Variants in DNAH3 observed in about 807,000 individuals in gnomAD.
The protein encoded by DNAH3 is dynein axonemal heavy chain 3.
DNAH3 carries 332 observed loss-of-function variants against 432.5 expected under a neutral mutation model. That is an observed-to-expected ratio of 0.77 (90% CI 0.70 to 0.84). DNAH3 has a LOEUF of 0.84. DNAH3 is among the 40% of genes least tolerant of loss of function. DNAH3 has a pLI of 0.00. For missense variants in DNAH3, 4,861 were observed against 5,114.0 expected, an observed-to-expected ratio of 0.95 and a Z score of 1.51; for synonymous variants, 1,956 against 1,900.2, an observed-to-expected ratio of 1.03 and a Z score of -0.76.
At chr16:21,023,992 C>T (rs554430069) in intron 39 of DNAH3, among the ~76,000 whole-genome samples, 48 of 152,216 alleles carry the variant, frequency 3.2e-4, no homozygotes, top group African/African-American at 1.1e-3. Context: ...ATTCTATTAA[C>T]ACAGGGGAGG....
exon 10 of DNAH3, chr16:21,122,012 T>C: frequency 6.2e-7 from 1 of 1,613,920 alleles, no homozygotes; most frequent in South Asian, 1.1e-5. Flanking sequence ...CCAGCAGCCA[T>C]CAAAAGATGG....
rs2083763270 is a variant in DNAH3, at chr16:20,940,474, T to G, written c.11654+927A>C. On this transcript the variant is annotated intron_variant, in intron 59 of 61. Transcript: ENST00000261383. ...TAGGGTCTTTCTCTGTCACCCAGGC[T>G]GGAGTGCAGTGGCAAGATCATAGCT... is the stretch of plus-strand genomic sequence containing the variant. Among the ~76,000 whole-genome samples, 3 of 152,136 alleles carry G rather than the reference T, an allele frequency of 2.0e-5. No individual in the cohort carries two copies. In the South Asian group the frequency reaches 6.2e-4, roughly 31 times the overall value.
At chr16:21,020,788 T>G (rs2088173780) in intron 40 of DNAH3, among the ~76,000 whole-genome samples, 1 of 152,124 alleles carries the variant, frequency 6.6e-6, no homozygotes, top group African/African-American at 2.4e-5. Context: ...TCAGTGGTAT[T>G]AAGTGCATTC....
chr16:21,041,692 G>A (rs909109985), intron 32 of DNAH3, among the ~76,000 whole-genome samples: 3 of 151,936 alleles, frequency 2.0e-5, no homozygotes, highest in African/African-American at 7.3e-5. Context: ...TTTTTGAGAT[G>A]GAGTTTCACT....
chr16:20,951,397 C>T (rs528845517), intron 56 of DNAH3, among the ~76,000 whole-genome samples: 65 of 151,964 alleles, frequency 4.3e-4, no homozygotes, highest in African/African-American at 1.5e-3. Flanking sequence ...ATTATGCTGC[C>T]CTTCTACTTA....
Position 20,982,801 on chromosome 16 carries a change from CT to C in DNAH3, c.7778del (p.Gln2593ArgfsTer8). ...ACTCTAGGGCATCTGTGGGCCAGGACTGGAACCAATCAATCGTACAGCAATT... is the reference window on the plus strand; with the variant it reads ...ACTCTAGGGCATCTGTGGGCCAGGACGGAACCAATCAATCGTACAGCAATT... On this transcript the variant is annotated frameshift_variant, in exon 49 of 62. Coordinates refer to ENST00000261383, the Ensembl canonical transcript of DNAH3. LOFTEE classifies it high-confidence loss of function. The C allele has an allele frequency of 6.2e-7, 1 of 1,614,206 alleles. No individual in the cohort carries two copies. Among genetic ancestry groups the C allele is most frequent in the Non-Finnish European group, 8.5e-7 (1 of 1,180,040 alleles).
chr16:21,036,287 C>T (rs1035956503), intron 35 of DNAH3, among the ~76,000 whole-genome samples: 43 of 152,300 alleles, frequency 2.8e-4, no homozygotes, highest in African/African-American at 9.9e-4. Context: ...GATTGCACCA[C>T]TGCACTCCAG....
intron 14 of DNAH3, among the ~76,000 whole-genome samples, chr16:21,111,139 G>T (rs549389395): frequency 2.0e-5 from 3 of 152,236 alleles, no homozygotes; most frequent in African/African-American, 7.2e-5. Context: ...CTATGATCAG[G>T]CCACTGCACT....
intron 12 of DNAH3, among the ~76,000 whole-genome samples, chr16:21,116,622 G>A (rs1375672283): frequency 6.6e-6 from 1 of 152,132 alleles, no homozygotes; most frequent in Non-Finnish European, 1.5e-5. Flanking sequence ...ACTATACATA[G>A]TGACTGCTCA....
At chr16:21,003,642 G>A (rs916360142) in intron 41 of DNAH3, among the ~76,000 whole-genome samples, 1 of 152,066 alleles carries the variant, frequency 6.6e-6, no homozygotes, top group Admixed American at 6.6e-5. Context: ...GGGCATGGTG[G>A]CACGTGCCTG....
At chr16:21,117,952 G>C (rs151008941) in intron 11 of DNAH3, among the ~76,000 whole-genome samples, 1 of 152,144 alleles carries the variant, frequency 6.6e-6, no homozygotes, top group African/African-American at 2.4e-5. Context: ...GGGACAATGT[G>C]ACCTTAGGTA....
At chr16:20,987,230 C>G (rs1210333682) in intron 47 of DNAH3, 75 bp downstream of exon 47, 1 of 1,570,968 alleles carries the variant, frequency 6.4e-7, no homozygotes, top group Non-Finnish European at 8.7e-7. Context: ...AGGAAGGGAA[C>G]CTGAAATCTG....
At chr16:20,938,086 A>C (rs928431814) in intron 59 of DNAH3, among the ~76,000 whole-genome samples, 2 of 152,190 alleles carry the variant, frequency 1.3e-5, no homozygotes, top group African/African-American at 4.8e-5. Context: ...TGTAACCACT[A>C]AACCATTGTA....
intron 54 of DNAH3, 80 bp downstream of exon 54, chr16:20,959,099 G>A (rs1189571739): frequency 6.9e-7 from 1 of 1,449,626 alleles, no homozygotes; most frequent in Non-Finnish European, 9.6e-7. Flanking sequence ...GCAGGACTGT[G>A]TCTTGGTCAT....
At chr16:21,111,059 A>G (rs745405881) in intron 14 of DNAH3, among the ~76,000 whole-genome samples, 28 of 152,030 alleles carry the variant, frequency 1.8e-4, no homozygotes, top group Non-Finnish European at 2.9e-4. Context: ...GTGGATGCCT[A>G]TAGTCCTAGC....
intron 36 of DNAH3, among the ~76,000 whole-genome samples, chr16:21,032,772 C>T (rs1445934943): frequency 6.6e-6 from 1 of 152,054 alleles, no homozygotes; most frequent in Non-Finnish European, 1.5e-5. Flanking sequence ...GAGACTGTGC[C>T]ACTGCACTAT....
chr16:21,120,703 C>A, intron 11 of DNAH3: 1 of 1,461,598 alleles, frequency 6.8e-7, no homozygotes, highest in South Asian at 1.1e-5. Flanking sequence ...GTCTTCTTGG[C>A]ATTGTAATTC....
At chr16:21,013,725 A>T (rs2087724316) in intron 41 of DNAH3, among the ~76,000 whole-genome samples, 1 of 151,162 alleles carries the variant, frequency 6.6e-6, no homozygotes, top group South Asian at 2.1e-4. Flanking sequence ...ATCTCAAAAA[A>T]AAAAAAAAAA....
intron 58 of DNAH3, 119 bp from the exon 59 acceptor site, chr16:20,941,662 G>GA (rs2152568013): frequency 3.1e-6 from 4 of 1,298,586 alleles, no homozygotes; most frequent in Non-Finnish European, 4.2e-6. Context: ...ACTTTCCTGA[G>GA]AACTCTCCAA....
Sources: gnomAD v4.1 joint callset for allele counts (sites outside exome capture counted in the v4.1 genomes callset) on GRCh38, gnomAD v4.1.1 for gene constraint, MANE v1.5 for transcripts, NCBI Gene and HGNC (gene_info 2026-07-23, HGNC 2026-07-21) for gene names.